PRR16: variants seen among roughly 807,000 people sequenced by gnomAD.
PRR16 encodes protein Largen.
PRR16 carries 6 observed loss-of-function variants against 18.2 expected under a neutral mutation model. The ratio of observed to expected loss-of-function variants is 0.33; its 90% CI spans 0.18 to 0.65. The LOEUF (loss-of-function observed/expected upper bound fraction) is 0.65, where lower values mean the gene tolerates loss of function less well. Among genes scored for constraint, PRR16 ranks in the 30% least tolerant of loss-of-function variants. PRR16 has a pLI of 0.74. For missense variants in PRR16, 412 were observed against 376.6 expected, an observed-to-expected ratio of 1.09 and a Z score of -0.78; for synonymous variants, 151 against 147.8, an observed-to-expected ratio of 1.02 and a Z score of -0.16.
chr5:120,746,262 C>G, the PRR16 span, among the ~76,000 whole-genome samples: 1 of 151,986 alleles, frequency 6.6e-6, no homozygotes, highest in African/African-American at 2.4e-5. Context: ...TGGCATAAAG[C>G]TAATGATACT....
chr5:120,789,568 C>T, the PRR16 span, among the ~76,000 whole-genome samples: 1 of 151,894 alleles, frequency 6.6e-6, no homozygotes, highest in Non-Finnish European at 1.5e-5. Context: ...TGAAAATGCA[C>T]TTTGTGGTTA....
intron 1 of PRR16, among the ~76,000 whole-genome samples, chr5:120,562,019 C>T (rs1284118051): frequency 6.6e-6 from 1 of 152,056 alleles, no homozygotes. Context: ...CAGATTAAGT[C>T]TGATGTTTCT....
intron 1 of PRR16, among the ~76,000 whole-genome samples, chr5:120,565,847 A>T (rs1443591534): frequency 1.3e-5 from 2 of 152,158 alleles, no homozygotes; most frequent in Middle Eastern, 3.2e-3. Flanking sequence ...TTAACTTTAC[A>T]TTTGCATCAT....
At chr5:120,645,445 G>C (rs145401395) in intron 1 of PRR16, among the ~76,000 whole-genome samples, 215 of 134,720 alleles carry the variant, frequency 1.6e-3, no homozygotes, top group African/African-American at 5.6e-3. Context: ...TTTAGTTGAA[G>C]TGCAACTTCA....
chr5:120,650,581 T>A (rs922784857), intron 1 of PRR16, among the ~76,000 whole-genome samples: 3 of 151,726 alleles, frequency 2.0e-5, no homozygotes, highest in African/African-American at 7.3e-5. Context: ...ATGTGTTGTT[T>A]GGTTTTTTGT....
At chr5:120,703,380 C>A in the PRR16 span, among the ~76,000 whole-genome samples, 6 of 152,314 alleles carry the variant, frequency 3.9e-5, no homozygotes, top group Non-Finnish European at 7.4e-5. Context: ...ACAGGGGATG[C>A]GATGGCTTGG....
At chr5:120,782,824 C>T in the PRR16 span, among the ~76,000 whole-genome samples, 1 of 152,132 alleles carries the variant, frequency 6.6e-6, no homozygotes, top group Non-Finnish European at 1.5e-5. Context: ...ATATAACTGT[C>T]TGAACCCACC....
At chr5:120,575,318 A>AATACAC (rs1554084543) in intron 1 of PRR16, among the ~76,000 whole-genome samples, 2 of 138,166 alleles carry the variant, frequency 1.4e-5, no homozygotes, top group African/African-American at 2.7e-5. Flanking sequence ...CAGACAAGGA[A>AATACAC]ACACACACAC....
intron 1 of PRR16, among the ~76,000 whole-genome samples, chr5:120,631,372 C>A (rs1165008564): frequency 6.6e-6 from 1 of 152,090 alleles, no homozygotes; most frequent in Non-Finnish European, 1.5e-5. Context: ...CCACTGCAGG[C>A]TCCCTGAGAC....
chr5:120,622,932 G>C (rs1353391835), intron 1 of PRR16, among the ~76,000 whole-genome samples: 5 of 152,114 alleles, frequency 3.3e-5, no homozygotes, highest in Non-Finnish European at 7.4e-5. Context: ...GCAGTAGGGA[G>C]AGAGAACAAT....
chr5:120,639,245 A>T (rs1241987153), intron 1 of PRR16, among the ~76,000 whole-genome samples: 1 of 151,908 alleles, frequency 6.6e-6, no homozygotes, highest in Non-Finnish European at 1.5e-5. Flanking sequence ...TGTGATTATA[A>T]TTTGTTTAAA....
the PRR16 span, among the ~76,000 whole-genome samples, chr5:120,781,745 T>TTG: frequency 1.4e-4 from 22 of 152,270 alleles, no homozygotes; most frequent in African/African-American, 3.6e-4. Context: ...ATAAAAGCAG[T>TTG]TTTTTTCTTG....
intron 1 of PRR16, among the ~76,000 whole-genome samples, chr5:120,589,595 C>T (rs2112770990): frequency 6.6e-6 from 1 of 152,094 alleles, no homozygotes; most frequent in African/African-American, 2.4e-5. Context: ...CTGGGGAGGC[C>T]TCAGAACCAT....
chr5:120,608,194 T>C (rs1006493463), intron 1 of PRR16, among the ~76,000 whole-genome samples: 1 of 152,126 alleles, frequency 6.6e-6, no homozygotes, highest in African/African-American at 2.4e-5. Flanking sequence ...AATCCAGAGG[T>C]TTCTGATAGC....
chr5:120,639,762 C>T (rs895256844), intron 1 of PRR16, among the ~76,000 whole-genome samples: 2 of 151,500 alleles, frequency 1.3e-5, no homozygotes, highest in Admixed American at 1.3e-4. Flanking sequence ...AACAGAGCTA[C>T]AATCAATCCA....
chr5:120,630,097 A>G (rs987939847), intron 1 of PRR16, among the ~76,000 whole-genome samples: 2 of 152,070 alleles, frequency 1.3e-5, no homozygotes, highest in Admixed American at 1.3e-4. Context: ...AATTCTTTAA[A>G]TACTAATTTA....
intron 1 of PRR16, among the ~76,000 whole-genome samples, chr5:120,495,956 G>A (rs775292606): frequency 2.0e-5 from 3 of 150,948 alleles, no homozygotes; most frequent in Non-Finnish European, 4.4e-5. Flanking sequence ...GTTTTTTTTT[G>A]TAGATGCTCT....
chr5:120,665,738 T>G (rs955209778), intron 1 of PRR16, among the ~76,000 whole-genome samples: 3 of 152,210 alleles, frequency 2.0e-5, no homozygotes, highest in Admixed American at 6.5e-5. Flanking sequence ...TTCCTGTTTT[T>G]GTCAGGTTTG....
chr5:120,476,599 A>G (rs573048712), intron 1 of PRR16, among the ~76,000 whole-genome samples: 2 of 152,244 alleles, frequency 1.3e-5, no homozygotes, highest in African/African-American at 4.8e-5. Flanking sequence ...CCAAAAGCCA[A>G]TCGTTCTACT....
Sources: allele counts gnomAD v4.1 joint callset (sites outside exome capture counted in the v4.1 genomes callset), GRCh38; gene constraint gnomAD v4.1.1; transcripts MANE v1.5; gene names NCBI Gene and HGNC (gene_info 2026-07-23, HGNC 2026-07-21).